Variants in ABTB3 observed in about 807,000 individuals in gnomAD.
The protein encoded by ABTB3 is ankyrin repeat- and BTB/POZ domain-containing protein 3.
At chr12:107,407,690 A>C in the ABTB3 span, among the ~76,000 whole-genome samples, 2 of 152,224 alleles carry the variant, frequency 1.3e-5, no homozygotes, top group African/African-American at 4.8e-5. Context: ...CTGCAAAGTC[A>C]TATGGCAAGA....
chr12:107,604,434 G>GA, the ABTB3 span, among the ~76,000 whole-genome samples: 2 of 150,842 alleles, frequency 1.3e-5, no homozygotes, highest in Non-Finnish European at 3.0e-5. Flanking sequence ...ACAACAGAGA[G>GA]AAAAAAAAAT....
chr12:107,576,153 A>G, the ABTB3 span, among the ~76,000 whole-genome samples: 1 of 152,238 alleles, frequency 6.6e-6, no homozygotes, highest in East Asian at 1.9e-4. Flanking sequence ...TTGAGCTTCC[A>G]GTTGAAGCCC....
At chr12:107,367,836 G>C in the ABTB3 span, among the ~76,000 whole-genome samples, 1 of 151,992 alleles carries the variant, frequency 6.6e-6, no homozygotes, top group African/African-American at 2.4e-5. Flanking sequence ...TCACTTTTTT[G>C]TCTATAATCT....
At chr12:107,410,258 A>G in the ABTB3 span, among the ~76,000 whole-genome samples, 1,318 of 150,666 alleles carry the variant, frequency 8.7e-3, 18 homozygotes, top group African/African-American at 0.031. Flanking sequence ...CAGCTACGCT[A>G]AGGAACGGGG....
chr12:107,632,220 C>G, the ABTB3 span, among the ~76,000 whole-genome samples: 1 of 152,066 alleles, frequency 6.6e-6, no homozygotes, highest in Non-Finnish European at 1.5e-5. Context: ...GTTAAACCAC[C>G]ACCGCTGTCC....
chr12:107,494,481 C>T, the ABTB3 span, among the ~76,000 whole-genome samples: 1 of 152,160 alleles, frequency 6.6e-6, no homozygotes, highest in Admixed American at 6.5e-5. Flanking sequence ...CTGTTTTGCA[C>T]ATGGCCCAGG....
At chr12:107,414,842 C>T in the ABTB3 span, among the ~76,000 whole-genome samples, 2 of 151,822 alleles carry the variant, frequency 1.3e-5, no homozygotes, top group Admixed American at 6.6e-5. Context: ...CTCAGCCTCC[C>T]GAGTAGCTGG....
the ABTB3 span, among the ~76,000 whole-genome samples, chr12:107,425,142 C>T: frequency 1.3e-5 from 2 of 152,202 alleles, no homozygotes; most frequent in South Asian, 2.1e-4. Context: ...CTTTATCTCT[C>T]GACAGTCCAC....
the ABTB3 span, among the ~76,000 whole-genome samples, chr12:107,414,691 A>T: frequency 6.9e-6 from 1 of 144,116 alleles, no homozygotes; most frequent in Admixed American, 6.9e-5. Flanking sequence ...TCTTTTTTTC[A>T]CCATCCCCCC....
chr12:107,360,618 T>G, the ABTB3 span, among the ~76,000 whole-genome samples: 2 of 152,208 alleles, frequency 1.3e-5, no homozygotes, highest in Admixed American at 6.5e-5. Flanking sequence ...AGCCTTTAAC[T>G]GGCAAAGTCA....
At chr12:107,588,782 A>C in the ABTB3 span, among the ~76,000 whole-genome samples, 2 of 152,132 alleles carry the variant, frequency 1.3e-5, no homozygotes, top group Non-Finnish European at 2.9e-5. Flanking sequence ...CGGCCTCCCA[A>C]AGTGCTGAGA....
At chr12:107,526,041 A>G in the ABTB3 span, among the ~76,000 whole-genome samples, 2 of 152,178 alleles carry the variant, frequency 1.3e-5, no homozygotes, top group Non-Finnish European at 2.9e-5. Context: ...CACCTAACAC[A>G]TCACCCACAA....
the ABTB3 span, among the ~76,000 whole-genome samples, chr12:107,475,928 C>T: frequency 1.3e-5 from 2 of 152,114 alleles, no homozygotes; most frequent in African/African-American, 2.4e-5. Flanking sequence ...GGCCAGAGAA[C>T]ATTTTCACAT....
At chr12:107,384,602 G>A in the ABTB3 span, among the ~76,000 whole-genome samples, 3 of 152,224 alleles carry the variant, frequency 2.0e-5, no homozygotes, top group Non-Finnish European at 4.4e-5. Flanking sequence ...AAGTTGAGCT[G>A]TGATATACTC....
the ABTB3 span, among the ~76,000 whole-genome samples, chr12:107,420,069 G>A: frequency 3.9e-5 from 6 of 152,204 alleles, no homozygotes; most frequent in African/African-American, 9.7e-5. Context: ...AGATGTGCAC[G>A]TTGGAAAGAT....
chr12:107,527,134 C>T, the ABTB3 span, among the ~76,000 whole-genome samples: 1 of 152,118 alleles, frequency 6.6e-6, no homozygotes, highest in Non-Finnish European at 1.5e-5. Context: ...CTACCCCTCC[C>T]CACATCACTC....
At chr12:107,437,994 G>C in the ABTB3 span, among the ~76,000 whole-genome samples, 1 of 152,128 alleles carries the variant, frequency 6.6e-6, no homozygotes, top group African/African-American at 2.4e-5. Context: ...CTCAACAAGA[G>C]AGACTGATTT....
the ABTB3 span, chr12:107,651,733 C>T: frequency 6.2e-7 from 1 of 1,614,170 alleles, no homozygotes; most frequent in South Asian, 1.1e-5. Flanking sequence ...GTGAGATTAT[C>T]TGTGCGAAAA....
chr12:107,602,448 G>T, the ABTB3 span, among the ~76,000 whole-genome samples: 24 of 152,234 alleles, frequency 1.6e-4, 1 homozygote, highest in African/African-American at 5.8e-4. Flanking sequence ...ATTATCATAG[G>T]AGATCTCTGA....
Sources: gnomAD v4.1 joint callset for allele counts (sites outside exome capture counted in the v4.1 genomes callset) on GRCh38, gnomAD v4.1.1 for gene constraint, MANE v1.5 for transcripts, NCBI Gene and HGNC (gene_info 2026-07-23, HGNC 2026-07-21) for gene names.